SND1: variants seen among roughly 807,000 people sequenced by gnomAD.
SND1 encodes staphylococcal nuclease and tudor domain containing 1.
SND1 carries 38 observed loss-of-function variants against 121.7 expected under a neutral mutation model. That is an observed-to-expected ratio of 0.31 (90% CI 0.24 to 0.41). The LOEUF is 0.41. SND1 is among the 10% of genes least tolerant of loss of function. The pLI, the probability that SND1 is intolerant of heterozygous loss-of-function variation, is 1.00. For missense variants in SND1, 868 were observed against 1,184.6 expected (o/e 0.73, Z 3.92); for synonymous variants, 401 against 447.4 (o/e 0.90, Z 1.31).
chr7:127,937,857 A>C (rs1426294230), intron 15 of SND1, among the ~76,000 whole-genome samples: 1 of 152,228 alleles, frequency 6.6e-6, no homozygotes, highest in South Asian at 2.1e-4. Flanking sequence ...ATTAAAGCCA[A>C]TGTATGTTTA....
chr7:128,022,217 A>G (rs1803368619), intron 16 of SND1, among the ~76,000 whole-genome samples: 1 of 151,626 alleles, frequency 6.6e-6, no homozygotes, highest in African/African-American at 2.4e-5. Flanking sequence ...AAAAAAAAAA[A>G]AAAAAAAAAA....
intron 16 of SND1, among the ~76,000 whole-genome samples, chr7:128,062,237 C>G (rs3779523): frequency 0.72 from 108,965 of 152,220 alleles, 40,485 homozygotes; most frequent in African/African-American, 0.91. Context: ...TGCTATGCAT[C>G]GCTTGGTGAG....
chr7:128,005,774 A>G (rs1477714894), intron 16 of SND1, among the ~76,000 whole-genome samples: 2 of 152,022 alleles, frequency 1.3e-5, no homozygotes, highest in African/African-American at 2.4e-5. Flanking sequence ...CTGGTCTCCA[A>G]CTCCGAGGCT....
chr7:127,751,093 G>A (rs1412100710), intron 10 of SND1, among the ~76,000 whole-genome samples: 4 of 152,072 alleles, frequency 2.6e-5, no homozygotes, highest in African/African-American at 9.7e-5. Flanking sequence ...GAAAATTAGT[G>A]TAAGCAAACA....
chr7:128,024,034 G>A (rs1488458478), intron 16 of SND1, among the ~76,000 whole-genome samples: 1 of 147,540 alleles, frequency 6.8e-6, no homozygotes, highest in Non-Finnish European at 1.5e-5. Flanking sequence ...TGGCTACAGA[G>A]TCTGTGCTTG....
chr7:127,846,948 C>CT (rs202214200), intron 12 of SND1, among the ~76,000 whole-genome samples: 37 of 151,034 alleles, frequency 2.4e-4, no homozygotes, highest in East Asian at 1.4e-3. Context: ...TTTATTTATC[C>CT]TTTTTTTTTC....
chr7:127,911,485 C>A (rs536412255), intron 14 of SND1, among the ~76,000 whole-genome samples: 1 of 151,864 alleles, frequency 6.6e-6, no homozygotes, highest in East Asian at 2.0e-4. Context: ...GCTGGGATTG[C>A]AGGAGTGAGC....
At chr7:127,659,847 GTC>G (rs1311517659) in intron 1 of SND1, among the ~76,000 whole-genome samples, 28 of 152,090 alleles carry the variant, frequency 1.8e-4, no homozygotes, top group Non-Finnish European at 4.1e-4. Flanking sequence ...TGGATGCATT[GTC>G]TCTAAGCATT....
intron 10 of SND1, among the ~76,000 whole-genome samples, chr7:127,726,023 C>G (rs559209012): frequency 6.6e-6 from 1 of 152,214 alleles, no homozygotes; most frequent in East Asian, 1.9e-4. Flanking sequence ...TACACAGAGA[C>G]AAGTTCATTT....
Position 128,052,246 on chromosome 7 carries a change from G to C in SND1, c.1780-22256G>C, listed in dbSNP as rs1038822590. The stretch of plus-strand genomic sequence containing the variant: ...GGGCTGCCAGTGGTCCATTTCTTCT[G>C]CCTGGACTTAGGGATTACAGGCCAT... On this transcript the variant is annotated intron_variant, in intron 16 of 23. Coordinates refer to ENST00000354725, the MANE Select transcript of SND1 (RefSeq NM_014390.4). The surrounding 1 kb of genome is among the most constrained non-coding windows in gnomAD (Gnocchi z 4.6). 2.0e-5 allele frequency among the ~76,000 whole-genome samples: 3 copies of C among 152,146 alleles called. No homozygotes were observed. Among genetic ancestry groups the C allele is most frequent in the Non-Finnish European group, 4.4e-5 (3 of 68,020 alleles).
At chr7:128,009,932 C>A (rs1441880609) in intron 16 of SND1, among the ~76,000 whole-genome samples, 1 of 152,188 alleles carries the variant, frequency 6.6e-6, no homozygotes, top group African/African-American at 2.4e-5. Flanking sequence ...CTCCTGAGAG[C>A]CCCTAGTCAA....
intron 12 of SND1, among the ~76,000 whole-genome samples, chr7:127,869,697 A>T (rs1293932722): frequency 1.3e-5 from 2 of 152,172 alleles, no homozygotes; most frequent in African/African-American, 4.8e-5. Flanking sequence ...TTACATTGAT[A>T]CAGTGTCTTT....
rs566134594 is a variant in SND1 at position 127,739,282 on chromosome 7, A to G, written c.1152+17882A>G. ...ACTTGAGTAGCTTTTGGAAAGTATA[A>G]TATTTTTACCCAAATCCCATTAAAT... On this transcript the variant is annotated intron_variant, in intron 10 of 23. Transcript: ENST00000354725. Among the ~76,000 whole-genome samples, 5 of 152,344 alleles carry G rather than the reference A, an allele frequency of 3.3e-5. No homozygotes were observed. In the East Asian group the frequency reaches 7.7e-4, roughly 23 times the overall value.
At chr7:127,780,274 A>G (rs1797696602) in intron 10 of SND1, among the ~76,000 whole-genome samples, 1 of 152,276 alleles carries the variant, frequency 6.6e-6, no homozygotes, top group Admixed American at 6.5e-5. Context: ...TGACTAAAGT[A>G]TGGTAGCTTC....
At position 127,990,960 on chromosome 7, in the gene SND1, C is replaced by G. The variant is rs762292225; in HGVS notation, c.1683C>G (p.Pro561=). 3 of 1,613,620 alleles carry G rather than the reference C, an allele frequency of 1.9e-6. No individual in the cohort carries two copies. In the South Asian group the frequency reaches 3.3e-5, roughly 18 times the overall value. The change falls in exon 16 of 24, where the codon CCC becomes CCG. Residue 561 remains proline (P), a synonymous_variant. Coordinates refer to ENST00000354725, the MANE Select transcript of SND1 (RefSeq NM_014390.4). ...CTCCTGACACAGGCATTGAATGCCC[C>G]AGAGGAGCCCGAAACCTCCCAGGCT... is the stretch of plus-strand genomic sequence containing the variant. The part of the protein sequence containing the change: ...ITFLLAGIEC[P]RGARNLPGLV...
Position 128,029,059 on chromosome 7 carries a change from T to C in SND1, c.1779+38003T>C. On this transcript the variant is annotated intron_variant, in intron 16 of 23. Transcript: ENST00000354725. This position sits in a 1 kb window ranked among gnomAD's most constrained non-coding sequence, Gnocchi z 4.2. ...ACTGCCACAAAGCAGCCAATGATGA[T>C]CTTGGTGGTCTTCATGACTTCATCC... 2 of 1,614,086 alleles carry C rather than the reference T, an allele frequency of 1.2e-6. No homozygotes were observed. Among genetic ancestry groups the C allele is most frequent in the Non-Finnish European group, 1.7e-6 (2 of 1,180,024 alleles).
At chr7:127,980,288 T>C (rs1802229661) in intron 15 of SND1, among the ~76,000 whole-genome samples, 1 of 57,436 alleles carries the variant, frequency 1.7e-5, no homozygotes, top group Non-Finnish European at 2.9e-5. Flanking sequence ...AATTTTTTTT[T>C]TTTTTGTATT....
chr7:128,000,795 A>G lies in SND1; in HGVS notation c.1779+9739A>G, dbSNP rs1802808843. Among the ~76,000 whole-genome samples the G allele has an allele frequency of 1.3e-5, 2 of 152,186 alleles. 1 individual carries two copies. Among genetic ancestry groups the G allele is most frequent in the South Asian group, 4.1e-4 (2 of 4,832 alleles). ...CCTATGGAATTACATAATTCAACTC[A>G]TATCTTTTTAGAACACAGCTCTTAA... On this transcript the variant is annotated intron_variant, in intron 16 of 23. Coordinates refer to ENST00000354725, the MANE Select transcript of SND1 (RefSeq NM_014390.4).
At chr7:127,861,182 C>G (rs1399778686) in intron 12 of SND1, among the ~76,000 whole-genome samples, 1 of 152,128 alleles carries the variant, frequency 6.6e-6, no homozygotes, top group Non-Finnish European at 1.5e-5. Flanking sequence ...TGTTAAATAT[C>G]TTGAATATCA....
Sources: gnomAD v4.1 joint callset for allele counts (sites outside exome capture counted in the v4.1 genomes callset) on GRCh38, gnomAD v4.1.1 for gene constraint, Gnocchi (gnomAD v3.1) non-coding constraint, MANE v1.5 for transcripts, NCBI Gene and HGNC (gene_info 2026-07-23, HGNC 2026-07-21) for gene names.